TAMM41: variants seen among roughly 807,000 people sequenced by gnomAD.
TAMM41 encodes the protein TAM41 mitochondrial translocator assembly and maintenance homolog.
A neutral mutation model predicts 44.1 loss-of-function variants in TAMM41; 36 were observed. That is an observed-to-expected ratio of 0.82 (90% confidence interval 0.63 to 1.08). The LOEUF is 1.08. TAMM41 is among the 50% of genes least tolerant of loss of function. The pLI, the probability that TAMM41 is intolerant of heterozygous loss-of-function variation, is 0.00. For synonymous variants in TAMM41, 164 were observed against 153.1 expected (o/e 1.07, Z -0.53); for missense variants, 417 against 404.3 (o/e 1.03, Z -0.27).
At chr3:11,777,107 A>G in the TAMM41 span, among the ~76,000 whole-genome samples, 1 of 152,318 alleles carries the variant, frequency 6.6e-6, no homozygotes, top group East Asian at 1.9e-4. Flanking sequence ...ATTTGCTAAG[A>G]GAGTAGCTCC....
intron 3 of TAMM41, among the ~76,000 whole-genome samples, chr3:11,838,898 A>T (rs1318364106): frequency 1.3e-5 from 2 of 152,084 alleles, no homozygotes; most frequent in Non-Finnish European, 2.9e-5. Context: ...ATCAAGAGTC[A>T]CTTTATTAGT....
chr3:11,828,999 A>G (rs1417660337), intron 4 of TAMM41, among the ~76,000 whole-genome samples: 2 of 152,156 alleles, frequency 1.3e-5, no homozygotes, highest in Admixed American at 1.3e-4. Flanking sequence ...CTTAAACGGA[A>G]CCTTACTATA....
At chr3:11,790,775 G>A (rs994243785) in intron 7 of TAMM41, among the ~76,000 whole-genome samples, 194 bp from the exon 8 acceptor site, 3 of 152,286 alleles carry the variant, frequency 2.0e-5, no homozygotes, top group Non-Finnish European at 1.5e-5. Context: ...TTCTGATTTC[G>A]GCATTTTCCG....
the TAMM41 span, among the ~76,000 whole-genome samples, chr3:11,775,432 A>G: frequency 1.3e-5 from 2 of 152,136 alleles, no homozygotes; most frequent in African/African-American, 2.4e-5. Context: ...ACAGTGTTAC[A>G]ATTTCACCAA....
At position 11,844,323 on chromosome 3, in the gene TAMM41, T is replaced by C. The variant is rs562834855; in HGVS notation, c.136-112A>G. ...AATTATGATCAATAGTCAGAAGGCC[T>C]GGTGCTGTCATCAGAAATGTGAGCG... On this transcript the variant is annotated intron_variant, in intron 1 of 7. Coordinates refer to ENST00000455809, the MANE Select transcript of TAMM41 (RefSeq NM_001284401.2). The C allele has an allele frequency of 4.2e-5, 42 of 993,010 alleles. No individual in the cohort carries two copies. The African/African-American group carries it at 6.4e-4, about 15-fold the overall frequency. 61.5% of individuals were successfully genotyped at this position (993,010 alleles called of 1,614,324 possible).
At chr3:11,791,248 G>A (rs1192045931) in intron 7 of TAMM41, among the ~76,000 whole-genome samples, 3 of 152,162 alleles carry the variant, frequency 2.0e-5, no homozygotes, top group South Asian at 2.1e-4. Flanking sequence ...GAACACAGCA[G>A]GTGCTCTGTG....
intron 4 of TAMM41, among the ~76,000 whole-genome samples, chr3:11,823,613 T>C (rs990627103): frequency 1.3e-5 from 2 of 151,862 alleles, no homozygotes; most frequent in East Asian, 1.9e-4. Context: ...CCTTATCAGA[T>C]GCATGATTTG....
intron 5 of TAMM41, chr3:11,811,520 G>T (rs1466083041): frequency 2.0e-5 from 3 of 152,194 alleles, no homozygotes; most frequent in African/African-American, 7.2e-5. Context: ...TGAGTGTAAA[G>T]ATAAAATACC....
At chr3:11,725,802 C>T in the TAMM41 span, among the ~76,000 whole-genome samples, 1 of 152,152 alleles carries the variant, frequency 6.6e-6, no homozygotes, top group African/African-American at 2.4e-5. Flanking sequence ...GGAAGCCACA[C>T]AGCCATGAGG....
intron 7 of TAMM41, chr3:11,807,576 G>A (rs1317673050): frequency 1.3e-6 from 2 of 1,536,096 alleles, no homozygotes; most frequent in Non-Finnish European, 1.7e-6. Context: ...GAAAAACCCT[G>A]CACACAGGAA....
the TAMM41 span, among the ~76,000 whole-genome samples, chr3:11,722,766 C>T: frequency 2.6e-5 from 4 of 151,978 alleles, no homozygotes; most frequent in African/African-American, 9.7e-5. Flanking sequence ...GTCAGGAGTT[C>T]AAGTCCAGGC....
At chr3:11,818,512 T>C (rs2078375748) in intron 4 of TAMM41, among the ~76,000 whole-genome samples, 1 of 152,046 alleles carries the variant, frequency 6.6e-6, no homozygotes. Flanking sequence ...CTTCATTGAG[T>C]AAGGAATAAA....
intron 7 of TAMM41, among the ~76,000 whole-genome samples, chr3:11,793,944 G>A (rs1384646852): frequency 6.6e-6 from 1 of 152,080 alleles, no homozygotes; most frequent in Non-Finnish European, 1.5e-5. Flanking sequence ...CTATCTATAT[G>A]GAGATATTTC....
intron 6 of TAMM41, chr3:11,808,327 T>G: frequency 9.8e-7 from 1 of 1,016,444 alleles, no homozygotes; most frequent in Non-Finnish European, 1.2e-6. Context: ...GGAACAAGTT[T>G]CACTCACCTC....
downstream of TAMM41, among the ~76,000 whole-genome samples, chr3:11,789,666 C>T (rs1041129388): frequency 6.6e-6 from 1 of 152,168 alleles, no homozygotes; most frequent in Non-Finnish European, 1.5e-5. Context: ...ACCCAATCAG[C>T]ATCCGTGAAA....
the TAMM41 span, among the ~76,000 whole-genome samples, chr3:11,782,247 T>A: frequency 3.2e-4 from 49 of 151,978 alleles, no homozygotes; most frequent in African/African-American, 1.1e-3. Context: ...GGTTGTAAAA[T>A]TTTTTTTTAA....
At chr3:11,740,450 C>T in the TAMM41 span, among the ~76,000 whole-genome samples, 1 of 152,170 alleles carries the variant, frequency 6.6e-6, no homozygotes. Flanking sequence ...AGGATATTGC[C>T]ATTGACACAA....
intron 5 of TAMM41, chr3:11,810,876 C>T (rs1186362024): frequency 6.7e-6 from 1 of 148,530 alleles, no homozygotes; most frequent in South Asian, 2.2e-4. Context: ...TCAGCCCTAG[C>T]AAAAGAGTGA....
chr3:11,722,613 T>G, the TAMM41 span, among the ~76,000 whole-genome samples: 1 of 151,788 alleles, frequency 6.6e-6, no homozygotes, highest in African/African-American at 2.4e-5. Flanking sequence ...TGCAATAAAA[T>G]GATATAAAAA....
Sources: gnomAD v4.1 joint callset for allele counts (sites outside exome capture counted in the v4.1 genomes callset) on GRCh38, gnomAD v4.1.1 for gene constraint, MANE v1.5 for transcripts, NCBI Gene and HGNC (gene_info 2026-07-23, HGNC 2026-07-21) for gene names.